Variants in EPHB2 observed in about 807,000 individuals in gnomAD.
EPHB2 encodes EPH receptor B2.
A neutral mutation model predicts 96.4 loss-of-function variants in EPHB2; 18 were observed. The ratio of observed to expected loss-of-function variants is 0.19; its 90% CI spans 0.13 to 0.28. The LOEUF (loss-of-function observed/expected upper bound fraction) is 0.28, where lower values mean the gene tolerates loss of function less well. EPHB2 is among the 10% of genes least tolerant of loss of function. EPHB2 has a pLI of 1.00. For missense variants in EPHB2, 989 were observed against 1,355.4 expected, an observed-to-expected ratio of 0.73 and a Z score of 4.25; for synonymous variants, 506 against 534.1, an observed-to-expected ratio of 0.95 and a Z score of 0.72.
At chr1:22,862,584 C>T (rs1426132506) in intron 3 of EPHB2, among the ~76,000 whole-genome samples, 3 of 152,182 alleles carry the variant, frequency 2.0e-5, no homozygotes, top group African/African-American at 4.8e-5. Context: ...TACCACATCA[C>T]CTCTCTACAC....
chr1:22,786,071 A>G (rs1258504923), intron 3 of EPHB2, among the ~76,000 whole-genome samples: 1 of 152,224 alleles, frequency 6.6e-6, no homozygotes, highest in Non-Finnish European at 1.5e-5. Context: ...AGCTTTGCAA[A>G]CACGAGAAGT....
intron 3 of EPHB2, among the ~76,000 whole-genome samples, chr1:22,800,771 G>GAC (rs71666873): frequency 0.076 from 11,316 of 148,476 alleles, 690 homozygotes; most frequent in East Asian, 0.25. Flanking sequence ...GTGTGTATGT[G>GAC]ACACACACAC....
At chr1:22,813,103 A>G (rs984711399) in intron 3 of EPHB2, among the ~76,000 whole-genome samples, 1 of 152,204 alleles carries the variant, frequency 6.6e-6, no homozygotes, top group Non-Finnish European at 1.5e-5. Flanking sequence ...ATAATTCTAT[A>G]AAGTCTAGCA....
chr1:22,735,196 A>G (rs996600331), intron 1 of EPHB2, among the ~76,000 whole-genome samples: 2 of 151,376 alleles, frequency 1.3e-5, no homozygotes, highest in African/African-American at 4.9e-5. Context: ...AGGGTGAGGC[A>G]GGAGGGTGAG....
At chr1:22,792,049 A>C (rs965080323) in intron 3 of EPHB2, among the ~76,000 whole-genome samples, 6 of 152,134 alleles carry the variant, frequency 3.9e-5, no homozygotes, top group Non-Finnish European at 2.9e-5. Context: ...TTCACTCCAG[A>C]ATCCTGTGCT....
intron 1 of EPHB2, among the ~76,000 whole-genome samples, chr1:22,766,000 G>A (rs1221674207): frequency 2.0e-5 from 3 of 152,162 alleles, no homozygotes; most frequent in Admixed American, 2.0e-4. Context: ...TTCCCTGTTT[G>A]TGGCATCCTC....
In EPHB2 at chr1:22,751,955, G is replaced by C. The variant is rs531955064; in HGVS notation, c.62-29466G>C. On this transcript the variant is annotated intron_variant, in intron 1 of 15. Transcript: ENST00000374630. ...CTGTCTTCTTTAAAAATCAGGCTTC[G>C]GTCTGGAGTTCCACCCTGTGCACAG... Among the ~76,000 whole-genome samples, 5 of 152,268 alleles carry C rather than the reference G, an allele frequency of 3.3e-5. No homozygotes were observed. In the South Asian group the frequency reaches 8.3e-4, roughly 25 times the overall value.
At chr1:22,828,546 T>C (rs1645257121) in intron 3 of EPHB2, among the ~76,000 whole-genome samples, 1 of 151,978 alleles carries the variant, frequency 6.6e-6, no homozygotes, top group Non-Finnish European at 1.5e-5. Context: ...CTGTGAACAC[T>C]GATAGAACGG....
At chr1:22,789,373 G>A (rs1320271443) in intron 3 of EPHB2, among the ~76,000 whole-genome samples, 2 of 152,180 alleles carry the variant, frequency 1.3e-5, no homozygotes, top group Non-Finnish European at 2.9e-5. Flanking sequence ...ATGGAGAGTG[G>A]GGGAGTCCTC....
In EPHB2 at chr1:22,901,820, AGTGTGTGT is replaced by A. The variant is rs57503593; in HGVS notation, c.1766-4148_1766-4141del. Among the ~76,000 whole-genome samples the A allele has an allele frequency of 2.7e-5, 4 of 148,458 alleles. 1 individual carries two copies. The highest frequency in any genetic ancestry group is 1.0e-4 in the African/African-American group (4 of 40,080). On this transcript the variant is annotated intron_variant, in intron 9 of 15. Coordinates refer to ENST00000374630, the MANE Select transcript of EPHB2 (RefSeq NM_017449.5). ...ATTTAACTTCGTGTGTGTGTGTGTGAGTGTGTGTGTGTGTGTGTGTGTGTGTAACAGGG... is the reference window on the plus strand; with the variant it reads ...ATTTAACTTCGTGTGTGTGTGTGTGAGTGTGTGTGTGTGTGTGTAACAGGG...
chr1:22,881,697 CG>C (rs1639051494), intron 5 of EPHB2, among the ~76,000 whole-genome samples: 1 of 152,186 alleles, frequency 6.6e-6, no homozygotes, highest in African/African-American at 2.4e-5. Context: ...CGCACTGAAG[CG>C]ATTCTCCTGC....
Position 22,906,622 on chromosome 1 carries a change from G to A in EPHB2, c.1889-88G>A. 1 of 1,588,356 alleles carries A rather than the reference G, an allele frequency of 6.3e-7. No homozygotes were observed. Among genetic ancestry groups the A allele is most frequent in the Non-Finnish European group, 8.6e-7 (1 of 1,166,096 alleles). On this transcript the variant is annotated intron_variant, in intron 10 of 15. Transcript: ENST00000374630. This position sits in a 1 kb window ranked among gnomAD's most constrained non-coding sequence, Gnocchi z 4.8. ...CATTGAGAAGAAAATGTACCTGCAG[G>A]CCCCGTGAGTGGACATGACAGGGAA...
In EPHB2 at chr1:22,860,632, G is replaced by A. The variant is rs535739212; in HGVS notation, c.812-2405G>A. ...CTGGCGGCCCCCCCGGGAATGCCCCGCAGATGGAGGAGGGATGCTGAGCTG... is the reference window on the plus strand; with the variant it reads ...CTGGCGGCCCCCCCGGGAATGCCCCACAGATGGAGGAGGGATGCTGAGCTG... On this transcript the variant is annotated intron_variant, in intron 3 of 15. Coordinates refer to ENST00000374630, the MANE Select transcript of EPHB2 (RefSeq NM_017449.5). The surrounding 1 kb of genome is among the most constrained non-coding windows in gnomAD (Gnocchi z 4.6). 3.9e-5 allele frequency among the ~76,000 whole-genome samples: 6 copies of A among 152,258 alleles called. No individual in the cohort carries two copies. The highest frequency in any genetic ancestry group is 1.9e-4 in the East Asian group (1 of 5,170).
At chr1:22,777,098 C>T (rs144138713) in intron 1 of EPHB2, among the ~76,000 whole-genome samples, 94 of 152,208 alleles carry the variant, frequency 6.2e-4, no homozygotes, top group African/African-American at 2.1e-3. Flanking sequence ...TGACCTGAGT[C>T]GAGACTTCAC....
rs571574721 is a variant in EPHB2, at chr1:22,913,932, C to G, written c.*362C>G. Reference sequence around the variant, plus strand: ...GGAGACAAAAGCAGTTTCTCTCCAACTCCCTCTGGGAAGGTGACCTGGCCA... The same window carrying G: ...GGAGACAAAAGCAGTTTCTCTCCAAGTCCCTCTGGGAAGGTGACCTGGCCA... On this transcript the variant is annotated 3_prime_UTR_variant, in exon 16 of 16. Coordinates refer to ENST00000374630, the MANE Select transcript of EPHB2 (RefSeq NM_017449.5). This position sits in a 1 kb window ranked among gnomAD's most constrained non-coding sequence, Gnocchi z 4.1. 39 of 1,490,412 alleles carry G rather than the reference C, an allele frequency of 2.6e-5. No individual in the cohort carries two copies. In the East Asian group the frequency reaches 8.5e-4, roughly 33 times the overall value. 92.3% of individuals were successfully genotyped at this position (1,490,412 alleles called of 1,614,324 possible).
intron 4 of EPHB2, among the ~76,000 whole-genome samples, chr1:22,863,952 C>T (rs773681989): frequency 9.2e-5 from 14 of 152,100 alleles, no homozygotes; most frequent in Non-Finnish European, 2.1e-4. Flanking sequence ...GATTTGAACT[C>T]CCGGGCTCAA....
At chr1:22,910,302 T>A (rs1640051454) in intron 13 of EPHB2, 80 bp from the exon 14 acceptor site, 2 of 1,568,286 alleles carry the variant, frequency 1.3e-6, no homozygotes, top group Non-Finnish European at 1.8e-6. Flanking sequence ...TGCAATGTAC[T>A]GGGGGTAAGA....
intron 5 of EPHB2, among the ~76,000 whole-genome samples, chr1:22,876,940 C>T (rs1039323709): frequency 2.0e-5 from 3 of 152,182 alleles, no homozygotes; most frequent in Non-Finnish European, 4.4e-5. Flanking sequence ...CTGCCAGCTA[C>T]GCCTGCCAGG....
At chr1:22,808,551 G>A (rs565580284) in intron 3 of EPHB2, among the ~76,000 whole-genome samples, 7 of 152,322 alleles carry the variant, frequency 4.6e-5, no homozygotes, top group South Asian at 2.1e-4. Flanking sequence ...ACGTGTCACC[G>A]CAGAGTCAAG....
Sources: allele counts gnomAD v4.1 joint callset (sites outside exome capture counted in the v4.1 genomes callset), GRCh38; gene constraint gnomAD v4.1.1; non-coding constraint Gnocchi (gnomAD v3.1); transcripts MANE v1.5; gene names NCBI Gene and HGNC (gene_info 2026-07-23, HGNC 2026-07-21).